HHAT: variants seen among roughly 807,000 people sequenced by gnomAD.
The protein encoded by HHAT is protein-cysteine N-palmitoyltransferase HHAT.
Under a neutral mutation model 70.8 loss-of-function variants are expected in HHAT, and 47 were observed. That is an observed-to-expected ratio of 0.66 (90% CI 0.53 to 0.85). The LOEUF (loss-of-function observed/expected upper bound fraction) is 0.85. HHAT is among the 40% of genes least tolerant of loss of function. The probability of loss-of-function intolerance (pLI) is 0.00; values close to 1 mark genes in which losing one functional copy is unlikely to be tolerated. For synonymous variants in HHAT, 228 were observed against 247.6 expected, an observed-to-expected ratio of 0.92 and a Z score of 0.74; for missense variants, 609 against 604.8, an observed-to-expected ratio of 1.01 and a Z score of -0.07.
chr1:210,379,822 TTATAAA>T (rs2090497121), intron 3 of HHAT, among the ~76,000 whole-genome samples: 1 of 152,236 alleles, frequency 6.6e-6, no homozygotes, highest in Non-Finnish European at 1.5e-5. Context: ...TATGTGTTTC[TTATAAA>T]TATGAAATGG....
intron 5 of HHAT, among the ~76,000 whole-genome samples, chr1:210,404,094 G>C (rs1232583533): frequency 4.3e-4 from 66 of 152,294 alleles, no homozygotes; most frequent in Middle Eastern, 3.4e-3. Flanking sequence ...CTGAATTGTT[G>C]AAGAAGCTGT....
chr1:210,329,125 G>C (rs1381166908), intron 1 of HHAT, 21 bp downstream of exon 1: 1 of 1,324,730 alleles, frequency 7.5e-7, no homozygotes, highest in South Asian at 2.0e-5. Flanking sequence ...GGTGACCATA[G>C]GGGGTCCTGG....
chr1:210,375,414 C>T (rs1246841797), intron 3 of HHAT, among the ~76,000 whole-genome samples: 4 of 152,160 alleles, frequency 2.6e-5, no homozygotes, highest in Non-Finnish European at 5.9e-5. Context: ...ACTTTATCTG[C>T]CATTGGTAGA....
chr1:210,451,559 C>G (rs2093757222), intron 7 of HHAT, among the ~76,000 whole-genome samples: 1 of 152,062 alleles, frequency 6.6e-6, no homozygotes, highest in Admixed American at 6.5e-5. Flanking sequence ...GCTATTTACA[C>G]TTTGAAATAT....
intron 7 of HHAT, among the ~76,000 whole-genome samples, chr1:210,443,392 G>T (rs986932724): frequency 6.7e-6 from 1 of 149,622 alleles, no homozygotes; most frequent in Non-Finnish European, 1.5e-5. Context: ...AAAGTCATTG[G>T]TAGCTTGATG....
chr1:210,482,417 C>T (rs560762369), intron 8 of HHAT, among the ~76,000 whole-genome samples: 35 of 152,196 alleles, frequency 2.3e-4, no homozygotes, highest in Non-Finnish European at 3.5e-4. Flanking sequence ...CAATTTTGTA[C>T]TTTGCATTAT....
At chr1:210,630,210 T>G (rs943719118) in intron 11 of HHAT, among the ~76,000 whole-genome samples, 1 of 152,136 alleles carries the variant, frequency 6.6e-6, no homozygotes, top group East Asian at 1.9e-4. Flanking sequence ...CAGAGTAATC[T>G]CCCATCTCAA....
chr1:210,379,111 A>G (rs1230298289), intron 3 of HHAT, among the ~76,000 whole-genome samples: 5 of 152,266 alleles, frequency 3.3e-5, no homozygotes, highest in Non-Finnish European at 7.3e-5. Flanking sequence ...CTGCTGCCAC[A>G]TAGCTCCTTG....
chr1:210,533,625 G>A (rs921793370), intron 9 of HHAT, among the ~76,000 whole-genome samples: 6 of 152,150 alleles, frequency 3.9e-5, no homozygotes, highest in Non-Finnish European at 5.9e-5. Context: ...ACAGGCAGGA[G>A]AGTGGCAGCA....
At chr1:210,635,724 A>G (rs879562048) in intron 11 of HHAT, among the ~76,000 whole-genome samples, 1 of 152,212 alleles carries the variant, frequency 6.6e-6, no homozygotes, top group Admixed American at 6.5e-5. Context: ...AGCTCATTAT[A>G]GATTAATTTC....
chr1:210,662,464 T>A (rs943866311), intron 11 of HHAT, among the ~76,000 whole-genome samples: 2 of 152,170 alleles, frequency 1.3e-5, no homozygotes, highest in African/African-American at 4.8e-5. Flanking sequence ...TATAGTGTGG[T>A]CATGAATTAA....
intron 10 of HHAT, among the ~76,000 whole-genome samples, chr1:210,623,210 T>C (rs1669201924): frequency 6.6e-6 from 1 of 152,122 alleles, no homozygotes; most frequent in South Asian, 2.1e-4. Context: ...TAGCTGGGAC[T>C]ACAGTCATAT....
intron 9 of HHAT, among the ~76,000 whole-genome samples, chr1:210,555,383 G>A (rs1303447237): frequency 2.6e-5 from 4 of 152,246 alleles, no homozygotes; most frequent in South Asian, 2.1e-4. Context: ...AACAGATCTC[G>A]CCAGTGCTGG....
intron 11 of HHAT, among the ~76,000 whole-genome samples, chr1:210,661,225 G>GA (rs1454056941): frequency 2.7e-5 from 2 of 72,786 alleles, no homozygotes; most frequent in South Asian, 4.1e-4. Context: ...TTACAAGAAA[G>GA]AAAAAACCCC....
intron 2 of HHAT, among the ~76,000 whole-genome samples, chr1:210,354,557 T>C (rs1345130208): frequency 6.6e-6 from 1 of 152,142 alleles, no homozygotes; most frequent in East Asian, 1.9e-4. Flanking sequence ...AGACAAGCTC[T>C]CTCTATGTTG....
At chr1:210,351,925 G>A (rs1348271405) in intron 2 of HHAT, among the ~76,000 whole-genome samples, 1 of 152,174 alleles carries the variant, frequency 6.6e-6, no homozygotes, top group African/African-American at 2.4e-5. Flanking sequence ...TACAGGTGGA[G>A]CAGCATGTAG....
chr1:210,455,759 A>G (rs931407176), intron 7 of HHAT, among the ~76,000 whole-genome samples: 3 of 152,218 alleles, frequency 2.0e-5, no homozygotes, highest in Non-Finnish European at 2.9e-5. Context: ...ATATTACAAC[A>G]TAGTTGAAAC....
chr1:210,555,087 A>G (rs961548743), intron 9 of HHAT, among the ~76,000 whole-genome samples: 1 of 152,196 alleles, frequency 6.6e-6, no homozygotes, highest in East Asian at 1.9e-4. Context: ...CAGGGACTTG[A>G]AGGGGGATCC....
chr1:210,501,662 T>C (rs1041594361), intron 8 of HHAT, among the ~76,000 whole-genome samples: 1 of 152,172 alleles, frequency 6.6e-6, no homozygotes, highest in African/African-American at 2.4e-5. Context: ...AAAATGGCTT[T>C]TCTTTCTTTT....
Sources: gnomAD v4.1 joint callset for allele counts (sites outside exome capture counted in the v4.1 genomes callset) on GRCh38, gnomAD v4.1.1 for gene constraint, MANE v1.5 for transcripts, NCBI Gene and HGNC (gene_info 2026-07-23, HGNC 2026-07-21) for gene names.